Variants in PLEKHM3 observed in about 807,000 individuals in gnomAD.
PLEKHM3 encodes the protein pleckstrin homology domain-containing family M member 3.
A neutral mutation model predicts 81.8 loss-of-function variants in PLEKHM3; 45 were observed. The ratio of observed to expected loss-of-function variants is 0.55; its 90% CI spans 0.43 to 0.71. The LOEUF is 0.71. Ranked by LOEUF, PLEKHM3 falls within the 30% of genes least tolerant of loss-of-function variation. The pLI is 0.00. For synonymous variants in PLEKHM3, 352 were observed against 356.4 expected (o/e 0.99, Z 0.14); for missense variants, 788 against 924.3 (o/e 0.85, Z 1.91).
chr2:207,857,583 A>C (rs1052455347), intron 7 of PLEKHM3, among the ~76,000 whole-genome samples: 2 of 152,122 alleles, frequency 1.3e-5, no homozygotes, highest in Non-Finnish European at 2.9e-5. Flanking sequence ...TCGTTGAGTC[A>C]GTTTTGGTAA....
Position 207,878,102 on chromosome 2 carries a change from C to A in PLEKHM3, c.1951-16840G>T, listed in dbSNP as rs993148861. Among the ~76,000 whole-genome samples the A allele has an allele frequency of 2.6e-5, 4 of 152,242 alleles. No individual in the cohort carries two copies. In the South Asian group the frequency reaches 8.3e-4, roughly 32 times the overall value. On this transcript the variant is annotated intron_variant, in intron 6 of 7. Coordinates refer to ENST00000427836, the MANE Select transcript of PLEKHM3 (RefSeq NM_001080475.3). ...TACAAGTACATGCCACCATGCTCGA[C>A]TAATTTTAAAAATTTTTTGGAGATA...
intron 7 of PLEKHM3, among the ~76,000 whole-genome samples, chr2:207,858,382 G>C (rs2105807102): frequency 6.6e-6 from 1 of 152,050 alleles, no homozygotes; most frequent in East Asian, 1.9e-4. Context: ...CCATGTGCCA[G>C]AGAACACGCT....
chr2:207,875,689 G>A (rs999687884), intron 6 of PLEKHM3, among the ~76,000 whole-genome samples: 30 of 152,260 alleles, frequency 2.0e-4, no homozygotes, highest in Non-Finnish European at 3.5e-4. Flanking sequence ...TTAGCTGGGC[G>A]TGGTAGTGTG....
intron 3 of PLEKHM3, among the ~76,000 whole-genome samples, chr2:207,948,549 T>G (rs1219577624): frequency 3.3e-5 from 2 of 60,624 alleles, no homozygotes; most frequent in Non-Finnish European, 3.6e-5. Context: ...TTTTTTTGTT[T>G]TTTTTTTTTT....
intron 2 of PLEKHM3, among the ~76,000 whole-genome samples, chr2:207,997,066 C>T (rs545642082): frequency 5.9e-5 from 9 of 151,392 alleles, no homozygotes; most frequent in Non-Finnish European, 8.8e-5. Context: ...CCTTATATTA[C>T]ACAACTAGTA....
intron 7 of PLEKHM3, among the ~76,000 whole-genome samples, chr2:207,834,130 CTTT>C (rs35913574): frequency 4.3e-5 from 6 of 140,514 alleles, no homozygotes; most frequent in Non-Finnish European, 7.6e-5. Context: ...TTTTCTCTTT[CTTT>C]TTTTTTTTTT....
rs2092465379 is a variant in PLEKHM3 at position 207,861,232 on chromosome 2, C to T, written c.1981G>A (p.Gly661Ser). ...VIEGKLAPFL[G>S]KVIKFATSHV... ...GAGGTGGCAAATTTAATGACCTTGC[C>T]CAAGAATGGAGCCAGCTTTCCCTCT... is the stretch of plus-strand genomic sequence containing the variant. The change falls in exon 7 of 8, where the codon GGC (glycine) becomes AGC (serine). Residue 661 changes from glycine (G) to serine (S), a missense_variant. Gly to Ser is a moderately conservative substitution (Grantham distance 56). Transcript: ENST00000427836. The T allele has an allele frequency of 6.2e-7, 1 of 1,613,876 alleles. No homozygotes were observed. The highest frequency in any genetic ancestry group is 1.7e-5 in the Admixed American group (1 of 59,972).
intron 7 of PLEKHM3, among the ~76,000 whole-genome samples, chr2:207,832,231 A>G (rs1029428191): frequency 6.6e-6 from 1 of 152,210 alleles, no homozygotes; most frequent in African/African-American, 2.4e-5. Flanking sequence ...GTAACCCAGC[A>G]GGTATCTTTT....
At chr2:207,859,274 G>C (rs1484572009) in intron 7 of PLEKHM3, among the ~76,000 whole-genome samples, 2 of 151,600 alleles carry the variant, frequency 1.3e-5, no homozygotes, top group Non-Finnish European at 2.9e-5. Context: ...GAGCAGCTGG[G>C]ATTACAGGCA....
chr2:207,981,069 A>G (rs1450069771), intron 2 of PLEKHM3, among the ~76,000 whole-genome samples: 1 of 151,266 alleles, frequency 6.6e-6, no homozygotes, highest in Non-Finnish European at 1.5e-5. Flanking sequence ...CAGAGGTTAC[A>G]GTGAGCCGAG....
At position 207,842,138 on chromosome 2, in the gene PLEKHM3, C is replaced by T. The variant is rs181301068; in HGVS notation, c.2109-13642G>A. On this transcript the variant is annotated intron_variant, in intron 7 of 7. Transcript: ENST00000427836. ...ATTTTTAGTAGAGACGGGGTTTCAC[C>T]GTGTTAGCCAGGATGGCCTCGATCT... 8.7e-4 allele frequency among the ~76,000 whole-genome samples: 132 copies of T among 152,270 alleles called. 1 individual carries two copies. The highest frequency in any genetic ancestry group is 2.8e-3 in the African/African-American group (117 of 41,564).
intron 5 of PLEKHM3, among the ~76,000 whole-genome samples, chr2:207,927,605 G>A (rs867899398): frequency 4.7e-5 from 7 of 149,106 alleles, no homozygotes; most frequent in African/African-American, 1.7e-4. Context: ...TGAGGCAGGC[G>A]GATCACCTGA....
intron 6 of PLEKHM3, among the ~76,000 whole-genome samples, chr2:207,865,794 AAAAAAAAAGATATATATAT>A (rs2092493408): frequency 4.6e-5 from 2 of 43,826 alleles, no homozygotes; most frequent in African/African-American, 2.5e-4. Flanking sequence ...AAAAAAAAAA[AAAAAAAAAGATATATATAT>A]ATATATATAT....
intron 6 of PLEKHM3, 75 bp downstream of exon 6, chr2:207,908,439 G>T: frequency 7.2e-7 from 1 of 1,391,570 alleles, no homozygotes; most frequent in Non-Finnish European, 1.0e-6. Flanking sequence ...GCAGAATACG[G>T]TGCAAAGACC....
chr2:207,972,892 G>A (rs1691177592), intron 3 of PLEKHM3, among the ~76,000 whole-genome samples: 1 of 152,100 alleles, frequency 6.6e-6, no homozygotes, highest in African/African-American at 2.4e-5. Context: ...GCACTATTTT[G>A]TAGATTTAAA....
rs369709307 is a variant in PLEKHM3, at chr2:207,953,280, G to A, written c.1547-6768C>T. On this transcript the variant is annotated intron_variant, in intron 3 of 7. Coordinates refer to ENST00000427836, the MANE Select transcript of PLEKHM3 (RefSeq NM_001080475.3). ...CCCTTCATAGTGAATTCTCTTCCCA[G>A]GAGTTGAAAACTTCACAGTTGGGAG... Among the ~76,000 whole-genome samples, 28 of 152,284 alleles carry A rather than the reference G, an allele frequency of 1.8e-4. No homozygotes were observed. The South Asian group carries it at 5.6e-3, about 30-fold the overall frequency.
intron 7 of PLEKHM3, among the ~76,000 whole-genome samples, chr2:207,833,388 T>C (rs1431784910): frequency 6.6e-6 from 1 of 152,220 alleles, no homozygotes; most frequent in East Asian, 1.9e-4. Context: ...GCTTGTTGGA[T>C]GTTGCTGTAC....
At chr2:207,918,194 C>T (rs1689057075) in intron 5 of PLEKHM3, among the ~76,000 whole-genome samples, 1 of 152,190 alleles carries the variant, frequency 6.6e-6, no homozygotes, top group Admixed American at 6.5e-5. Flanking sequence ...AAGATGTTCA[C>T]AATATACTAA....
intron 6 of PLEKHM3, among the ~76,000 whole-genome samples, chr2:207,889,322 A>G (rs1687976722): frequency 6.6e-6 from 1 of 152,006 alleles, no homozygotes. Context: ...GGTTAAAACC[A>G]CCTTAGTGAG....
Sources: gnomAD v4.1 joint callset for allele counts (sites outside exome capture counted in the v4.1 genomes callset) on GRCh38, gnomAD v4.1.1 for gene constraint, MANE v1.5 for transcripts, NCBI Gene and HGNC (gene_info 2026-07-23, HGNC 2026-07-21) for gene names.